SZT2: variants seen among roughly 807,000 people sequenced by gnomAD.
SZT2 encodes KICSTOR complex protein SZT2.
A neutral mutation model predicts 404.2 loss-of-function variants in SZT2; 216 were observed. The ratio of observed to expected loss-of-function variants is 0.53; its 90% CI spans 0.48 to 0.60. The LOEUF is 0.60. Ranked by LOEUF, SZT2 falls within the 20% of genes least tolerant of loss-of-function variation. The pLI is 0.00. For synonymous variants in SZT2, 1,693 were observed against 1,749.9 expected (o/e 0.97, Z 0.81); for missense variants, 3,857 against 4,459.2 (o/e 0.86, Z 3.85).
chr1:43,426,478 A>AC lies in SZT2; in HGVS notation c.3159dup (p.Val1054ArgfsTer2), dbSNP rs773491772. On this transcript the variant is annotated frameshift_variant, in exon 22 of 72. Coordinates refer to ENST00000634258, the MANE Select transcript of SZT2 (RefSeq NM_001365999.1). LOFTEE classifies it high-confidence loss of function. This position sits in a 1 kb window ranked among gnomAD's most constrained non-coding sequence, Gnocchi z 4.9. ...GCTGAGTGACCGGGAGATCCCACTG[A>AC]CCCCCGTTGACCAGGCTGCCTTCTT... 6.3e-7 allele frequency: 1 copy of AC among 1,596,306 alleles called. No homozygotes were observed. The highest frequency in any genetic ancestry group is 1.1e-5 in the South Asian group (1 of 90,498).
chr1:43,425,780 A>C lies in SZT2; in HGVS notation c.2815-55A>C. The stretch of plus-strand genomic sequence containing the variant: ...GAAGCTTCCTGAAGAGCTGGAACCC[A>C]GGGTATCCTGGGCTAAGAGGGGTTG... On this transcript the variant is annotated intron_variant, in intron 19 of 71. Transcript: ENST00000634258. This position sits in a 1 kb window ranked among gnomAD's most constrained non-coding sequence, Gnocchi z 4.3. 1 of 1,597,926 alleles carries C rather than the reference A, an allele frequency of 6.3e-7. No homozygotes were observed. Among genetic ancestry groups the C allele is most frequent in the South Asian group, 1.1e-5 (1 of 90,736 alleles).
Position 43,423,231 on chromosome 1 carries a change from C to G in SZT2, c.2170C>G (p.Pro724Ala), listed in dbSNP as rs752789547. 6.3e-7 allele frequency: 1 copy of G among 1,593,308 alleles called. No homozygotes were observed. The highest frequency in any genetic ancestry group is 8.5e-7 in the Non-Finnish European group (1 of 1,176,996). The change falls in exon 15 of 72, where the codon CCC becomes GCC. Residue 724 changes from proline (P) to alanine (A), a missense_variant. Coordinates refer to ENST00000634258, the MANE Select transcript of SZT2 (RefSeq NM_001365999.1). ...TGGGGGCAGCTCTCCCTCCAAGTCA[C>G]CCCCCGTGCTGGGGCCACAGCAGGC... Reference protein sequence around the residue: ...AGGGSSPSKSPPVLGPQQALS... With the variant: ...AGGGSSPSKSAPVLGPQQALS...
chr1:43,416,251 T>C (rs2153931582), intron 6 of SZT2, 150 bp downstream of exon 6: 1 of 1,074,838 alleles, frequency 9.3e-7, no homozygotes, highest in Non-Finnish European at 1.3e-6. Flanking sequence ...TCTGTATTAG[T>C]GTGTATCAGG....
rs369407159 is a variant in SZT2, at chr1:43,453,492, G to C, written c.*3012G>C. The C allele has an allele frequency of 1.1e-5, 17 of 1,553,712 alleles. No individual in the cohort carries two copies. The African/African-American group carries it at 2.3e-4, about 21-fold the overall frequency. On this transcript the variant is annotated 3_prime_UTR_variant, in exon 72 of 72. Coordinates refer to ENST00000634258, the MANE Select transcript of SZT2 (RefSeq NM_001365999.1). ...CCCAGCCCCATTTCCCCCTTCTCTT[G>C]GTCTCCTGCAGAGAGAACGGGCCTC...
Position 43,437,923 on chromosome 1 carries a change from A to T in SZT2, c.6508+21A>T, listed in dbSNP as rs1557583517. The T allele has an allele frequency of 2.5e-6, 4 of 1,612,612 alleles. No individual in the cohort carries two copies. The South Asian group carries it at 3.3e-5, about 13-fold the overall frequency. On this transcript the variant is annotated intron_variant, in intron 46 of 71. Coordinates refer to ENST00000634258, the MANE Select transcript of SZT2 (RefSeq NM_001365999.1). This position sits in a 1 kb window ranked among gnomAD's most constrained non-coding sequence, Gnocchi z 5.3. The stretch of plus-strand genomic sequence containing the variant: ...GGCAGGTAAGGTCTGAGGAGGGGGT[A>T]GGGGAGTCGCCACATGAGGTTCCAG...
chr1:43,447,200 A>G (rs370313416), intron 66 of SZT2, 32 bp downstream of exon 66: 2 of 1,587,358 alleles, frequency 1.3e-6, no homozygotes, highest in Admixed American at 1.8e-5. Flanking sequence ...AGTGAACCCA[A>G]AAAAGAACAG....
chr1:43,404,443 G>C lies in SZT2; in HGVS notation c.391G>C (p.Gly131Arg). The C allele has an allele frequency of 1.2e-6, 2 of 1,614,036 alleles. No homozygotes were observed. The highest frequency in any genetic ancestry group is 1.7e-6 in the Non-Finnish European group (2 of 1,180,006). ...CCATGCCCTGTCCCGCTGCTTAGGCGGGCTGCTTCGGCCCTTCCGAGTGCC... is the reference window on the plus strand; with the variant it reads ...CCATGCCCTGTCCCGCTGCTTAGGCCGGCTGCTTCGGCCCTTCCGAGTGCC... ...VFHALSRCLG[G>R]LLRPFRVPGS... The change falls in exon 4 of 72, where the codon GGG becomes CGG. Residue 131 changes from glycine to arginine, a missense_variant. Physicochemically the swap from Gly to Arg is moderately radical, Grantham distance 125. Coordinates refer to ENST00000634258, the MANE Select transcript of SZT2 (RefSeq NM_001365999.1).
rs779239184 is a variant in SZT2 at position 43,435,370 on chromosome 1, GCCGC to G, written c.6034+44_6034+47del. The G allele has an allele frequency of 1.1e-5, 17 of 1,608,942 alleles. No individual in the cohort carries two copies. In the East Asian group the frequency reaches 1.6e-4, roughly 15 times the overall value. On this transcript the variant is annotated intron_variant, in intron 42 of 71. Transcript: ENST00000634258. Reference sequence around the variant, plus strand: ...GGAGCCTCCCTCACAAGGCAGTGCTGCCGCCCTTTCTTTTACCGAATACTCTGGT... The same window carrying G: ...GGAGCCTCCCTCACAAGGCAGTGCTGCCTTTCTTTTACCGAATACTCTGGT...
At chr1:43,410,650 A>C (rs905219548) in intron 4 of SZT2, 3 of 151,506 alleles carry the variant, frequency 2.0e-5, no homozygotes, top group African/African-American at 7.3e-5. Context: ...ATGACACTGG[A>C]CTGGGCAAAG....
In SZT2 at chr1:43,423,168, A is replaced by C. The variant is rs763624457; in HGVS notation, c.2107A>C (p.Thr703Pro). The C allele has an allele frequency of 2.1e-5, 34 of 1,597,360 alleles. No homozygotes were observed. Among genetic ancestry groups the C allele is most frequent in the Non-Finnish European group, 2.9e-5 (34 of 1,179,456 alleles). ...FPHRVQSKEP[T>P]PKVKRKGLGG... ...CCACCGGGTACAAAGCAAGGAGCCA[A>C]CGCCCAAGGTGAAACGAAAAGGGCT... The change falls in exon 15 of 72, where the codon ACG becomes CCG. Residue 703 changes from threonine (T) to proline (P), a missense_variant. By Grantham distance (38) the Thr-to-Pro change is conservative. Coordinates refer to ENST00000634258, the MANE Select transcript of SZT2 (RefSeq NM_001365999.1).
chr1:43,422,989 G>T, intron 14 of SZT2, 106 bp downstream of exon 14: 1 of 1,495,180 alleles, frequency 6.7e-7, no homozygotes, highest in South Asian at 1.2e-5. Context: ...GGAGCCCCCA[G>T]ACCAAGGAAG....
In SZT2 at chr1:43,440,473, T is replaced by C. The variant is rs1557588865; in HGVS notation, c.7231T>C (p.Leu2411=). 3.7e-6 allele frequency: 6 copies of C among 1,602,222 alleles called. No individual in the cohort carries two copies. Among genetic ancestry groups the C allele is most frequent in the African/African-American group, 1.3e-5 (1 of 74,356 alleles). The change falls in exon 52 of 72, where the codon TTG becomes CTG. Residue 2411 remains leucine (L), a synonymous_variant. Coordinates refer to ENST00000634258, the MANE Select transcript of SZT2 (RefSeq NM_001365999.1). ...CACAGGAAGTCTCAGGAACGGATCG[T>C]TGGAAACTAAGAGCTCTGCAGGCCG... ...TPTGSLRNGS[L]ETKSSAGRAS...
intron 1 of SZT2, among the ~76,000 whole-genome samples, chr1:43,396,516 CAAAG>C (rs763622608): frequency 1.3e-5 from 2 of 152,150 alleles, no homozygotes; most frequent in Non-Finnish European, 2.9e-5. Flanking sequence ...GCAAAAAAAA[CAAAG>C]AAACAACACT....
In SZT2 at chr1:43,422,905, T is replaced by A. The variant is rs565007455; in HGVS notation, c.2037+22T>A. Reference sequence around the variant, plus strand: ...CAAGGTAAGCTGGGCCCTGACTGACTCTGACCAAGGAGCCCTAGGGTGTAG... The same window carrying A: ...CAAGGTAAGCTGGGCCCTGACTGACACTGACCAAGGAGCCCTAGGGTGTAG... On this transcript the variant is annotated intron_variant, in intron 14 of 71. Transcript: ENST00000634258. The A allele has an allele frequency of 3.5e-5, 54 of 1,560,444 alleles. No individual in the cohort carries two copies. The East Asian group carries it at 1.0e-3, about 30-fold the overall frequency.
Position 43,432,459 on chromosome 1 carries a change from G to A in SZT2, c.5442+20G>A, listed in dbSNP as rs766059500. The A allele has an allele frequency of 3.2e-6, 5 of 1,562,564 alleles. No individual in the cohort carries two copies. The highest frequency in any genetic ancestry group is 4.3e-6 in the Non-Finnish European group (5 of 1,156,630). On this transcript the variant is annotated intron_variant, in intron 37 of 71. Coordinates refer to ENST00000634258, the MANE Select transcript of SZT2 (RefSeq NM_001365999.1). ...GGGGAGGTGAGTCTCACCTGGGAATGGAGGGGGGTGGTGGGTGTGTGGGGC... is the reference window on the plus strand; with the variant it reads ...GGGGAGGTGAGTCTCACCTGGGAATAGAGGGGGGTGGTGGGTGTGTGGGGC...
In SZT2 at chr1:43,421,095, G is replaced by A. The variant is rs919652367; in HGVS notation, c.1497-79G>A. On this transcript the variant is annotated intron_variant, in intron 10 of 71. Coordinates refer to ENST00000634258, the MANE Select transcript of SZT2 (RefSeq NM_001365999.1). ...CCAGAGAACCAGGCTTATATCCAGG[G>A]TCCCATGTCCCCCTAAGGCTCCCCT... The A allele has an allele frequency of 5.0e-5, 79 of 1,595,754 alleles. 1 individual carries two copies. The South Asian group carries it at 7.0e-4, about 14-fold the overall frequency.
chr1:43,448,173 C>G lies in SZT2; in HGVS notation c.9658C>G (p.Pro3220Ala). Residue 3220 changes from proline (P) to alanine (A), a missense_variant, in exon 69 of 72, where the codon CCT becomes GCT. This residue lies in a region of SZT2 where 717 missense variants were observed against 868.2 expected (regional missense o/e 0.83). Transcript: ENST00000634258. This position sits in a 1 kb window ranked among gnomAD's most constrained non-coding sequence, Gnocchi z 4.2. Reference protein sequence around the residue: ...RRFRKPPRLPPEPEAPGSSAG... With the variant: ...RRFRKPPRLPAEPEAPGSSAG... ...CTTCCGGAAGCCACCCAGACTGCCC[C>G]CTGAGCCAGAGGCTCCTGGGAGTTC... The G allele has an allele frequency of 6.2e-7, 1 of 1,612,052 alleles. No individual in the cohort carries two copies. The highest frequency in any genetic ancestry group is 1.7e-4 in the Middle Eastern group (1 of 6,058).
chr1:43,426,823 C>A lies in SZT2; in HGVS notation c.3309+14C>A. On this transcript the variant is annotated intron_variant, in intron 23 of 71. Coordinates refer to ENST00000634258, the MANE Select transcript of SZT2 (RefSeq NM_001365999.1). The surrounding 1 kb of genome is among the most constrained non-coding windows in gnomAD (Gnocchi z 4.9). The stretch of plus-strand genomic sequence containing the variant: ...TTTACTTCCCTGGTCAGCACCGATT[C>A]TTCTCCCTGAGCCCTTGTCACACTG... 1 of 1,611,836 alleles carries A rather than the reference C, an allele frequency of 6.2e-7. No homozygotes were observed. Among genetic ancestry groups the A allele is most frequent in the Non-Finnish European group, 8.5e-7 (1 of 1,178,514 alleles).
intron 4 of SZT2, chr1:43,406,523 C>G (rs1650336036): frequency 6.5e-6 from 1 of 154,320 alleles, no homozygotes; most frequent in South Asian, 1.9e-4. Context: ...CCTGTACTCT[C>G]AATCACAGGT....
Sources: gnomAD v4.1 joint callset for allele counts (sites outside exome capture counted in the v4.1 genomes callset) on GRCh38, gnomAD v4.1.1 for gene constraint, gnomAD v4.1.1 regional missense constraint, Gnocchi (gnomAD v3.1) non-coding constraint, MANE v1.5 for transcripts, NCBI Gene and HGNC (gene_info 2026-07-23, HGNC 2026-07-21) for gene names.